SMURF2: variants seen among roughly 807,000 people sequenced by gnomAD.
The protein encoded by SMURF2 is SMAD specific E3 ubiquitin protein ligase 2, also known as E3 ubiquitin-protein ligase SMURF2.
Under a neutral mutation model 109.6 loss-of-function variants are expected in SMURF2, and 48 were observed. The observed-to-expected ratio is 0.44, with a 90% CI of 0.35 to 0.56. The LOEUF (loss-of-function observed/expected upper bound fraction) is 0.56, where lower values mean the gene tolerates loss of function less well. Among genes scored for constraint, SMURF2 ranks in the 20% least tolerant of loss-of-function variants. The pLI is 0.01. For synonymous variants in SMURF2, 288 were observed against 317.1 expected (o/e 0.91, Z 0.97); for missense variants, 575 against 909.0 (o/e 0.63, Z 4.72).
At chr17:64,605,066 A>T in intron 2 of SMURF2, among the ~76,000 whole-genome samples, 1 of 147,220 alleles carries the variant, frequency 6.8e-6, no homozygotes, top group Non-Finnish European at 1.5e-5. Context: ...TCAAAGGTTA[A>T]AAAAAAAAAA....
chr17:64,635,028 A>G (rs1304852771), intron 1 of SMURF2, among the ~76,000 whole-genome samples: 1 of 152,190 alleles, frequency 6.6e-6, no homozygotes, highest in Non-Finnish European at 1.5e-5. Context: ...ATTTGTTTCC[A>G]GATAAAAGTC....
intron 1 of SMURF2, among the ~76,000 whole-genome samples, chr17:64,647,525 A>T (rs1555693067): frequency 6.6e-6 from 1 of 152,014 alleles, no homozygotes; most frequent in Admixed American, 6.6e-5. Flanking sequence ...TAAAAATACA[A>T]CAATTAGCCA....
Position 64,593,478 on chromosome 17 carries a change from A to C in SMURF2, c.296T>G (p.Leu99Arg). Residue 99 changes from leucine (L) to arginine (R), a missense_variant, in exon 4 of 19, where the codon CTT (leucine) becomes CGT (arginine). Coordinates refer to ENST00000262435, the MANE Select transcript of SMURF2 (RefSeq NM_022739.4). ...GAGGCGGTTGATGGCATTGGAAAGAAGACGAACACAACCGAGAAATCCAGC... is the reference window on the plus strand; with the variant it reads ...GAGGCGGTTGATGGCATTGGAAAGACGACGAACACAACCGAGAAATCCAGC... ...QGAGFLGCVR[L>R]LSNAINRLKD... 1 of 1,610,698 alleles carries C rather than the reference A, an allele frequency of 6.2e-7. No homozygotes were observed. The highest frequency in any genetic ancestry group is 8.5e-7 in the Non-Finnish European group (1 of 1,178,864).
At chr17:64,661,754 T>G (rs1050355400) in intron 1 of SMURF2, 75 bp downstream of exon 1, 4 of 1,099,046 alleles carry the variant, frequency 3.6e-6, no homozygotes, top group African/African-American at 3.3e-5. Context: ...CCCTGGCCCT[T>G]CCCAAGGCCA....
chr17:64,550,026 T>G (rs535025873), intron 16 of SMURF2, among the ~76,000 whole-genome samples: 1 of 152,342 alleles, frequency 6.6e-6, no homozygotes, highest in South Asian at 2.1e-4. Context: ...GGAATGGCAG[T>G]TAGAAGGCCA....
intron 5 of SMURF2, among the ~76,000 whole-genome samples, chr17:64,586,750 CAAAAAAAAAAAAA>C (rs782490512): frequency 1.1e-4 from 3 of 27,462 alleles, no homozygotes; most frequent in African/African-American, 1.3e-4. Flanking sequence ...GACTCCGTCT[CAAAAAAAAAAAAA>C]AAAAAAAAAA....
At chr17:64,593,405 GTTT>G (rs1969775392) in intron 4 of SMURF2, 32 bp downstream of exon 4, 1 of 1,589,584 alleles carries the variant, frequency 6.3e-7, no homozygotes, top group Non-Finnish European at 8.6e-7. Flanking sequence ...ACACATATAT[GTTT>G]TTTAATTGGA....
chr17:64,584,169 T>C (rs1280382401), intron 6 of SMURF2, among the ~76,000 whole-genome samples: 1 of 150,990 alleles, frequency 6.6e-6, no homozygotes, highest in Non-Finnish European at 1.5e-5. Flanking sequence ...AATACAAAAA[T>C]TAGCCGGGCG....
chr17:64,661,416 T>C (rs1164987382), intron 1 of SMURF2, among the ~76,000 whole-genome samples: 2 of 151,454 alleles, frequency 1.3e-5, no homozygotes, highest in African/African-American at 4.9e-5. Context: ...CTTTAAGGAG[T>C]GTTTACTGCG....
At chr17:64,586,060 T>C in intron 6 of SMURF2, 26 bp downstream of exon 6, 1 of 1,496,198 alleles carries the variant, frequency 6.7e-7, no homozygotes, top group Non-Finnish European at 9.2e-7. Flanking sequence ...TATATTTCTC[T>C]AATGATTTCA....
chr17:64,653,396 G>C (rs1196305228), intron 1 of SMURF2, among the ~76,000 whole-genome samples: 1 of 151,920 alleles, frequency 6.6e-6, no homozygotes. Flanking sequence ...ATCAAGTGCT[G>C]ACTAGGATGA....
At chr17:64,613,673 AGTGTGTGTGTGTGTGTGTGTGT>A (rs61060865) in intron 1 of SMURF2, among the ~76,000 whole-genome samples, 153 of 20,788 alleles carry the variant, frequency 7.4e-3, no homozygotes, top group Non-Finnish European at 0.012. Flanking sequence ...TCCACGGACC[AGTGTGTGTGTGTGTGTGTGTGT>A]GTGTGTGTGT....
At chr17:64,554,526 C>T (rs570453960) in intron 15 of SMURF2, among the ~76,000 whole-genome samples, 56 of 152,168 alleles carry the variant, frequency 3.7e-4, no homozygotes, top group Admixed American at 3.1e-3. Flanking sequence ...AGAACAAGGC[C>T]CCAGACAGTG....
chr17:64,631,285 A>G (rs868922077), intron 1 of SMURF2, among the ~76,000 whole-genome samples: 18 of 29,014 alleles, frequency 6.2e-4, no homozygotes, highest in African/African-American at 1.3e-3. Flanking sequence ...GGGGGGGGAG[A>G]GAGAGAGAGA....
intron 1 of SMURF2, among the ~76,000 whole-genome samples, chr17:64,653,271 CAATA>C (rs1031511022): frequency 6.6e-5 from 10 of 151,732 alleles, no homozygotes; most frequent in African/African-American, 2.4e-4. Context: ...ATTATATGGA[CAATA>C]AATAAGTCCA....
In SMURF2 at chr17:64,566,561, G is replaced by GTTTTTTTTTTTTTTTTTTTTTTTTTTT. The variant is rs1164717270; in HGVS notation, c.1017-3622_1017-3596dup. Among the ~76,000 whole-genome samples, 59 of 43,804 alleles carry GTTTTTTTTTTTTTTTTTTTTTTTTTTT rather than the reference G, an allele frequency of 1.3e-3. 23 individuals carry two copies. Among genetic ancestry groups the GTTTTTTTTTTTTTTTTTTTTTTTTTTT allele is most frequent in the East Asian group, 3.6e-3 (4 of 1,118 alleles). 28.7% of individuals were successfully genotyped at this position (43,804 alleles called of 152,430 possible). A position where few individuals can be genotyped will look rare whatever the true frequency, so the allele number is the denominator to read the frequency against. On this transcript the variant is annotated intron_variant, in intron 10 of 18. Coordinates refer to ENST00000262435, the MANE Select transcript of SMURF2 (RefSeq NM_022739.4). ...GATGTAGAAATGCTTAAGCTTTCTG[G>GTTTTTTTTTTTTTTTTTTTTTTTTTTT]TTTTTTTTTTTTTTTTTTTTTTTTT...
intron 1 of SMURF2, among the ~76,000 whole-genome samples, chr17:64,638,358 G>A (rs1030512330): frequency 2.0e-5 from 3 of 151,992 alleles, no homozygotes; most frequent in Non-Finnish European, 4.4e-5. Flanking sequence ...GAGCCACTGC[G>A]CCTGACCAAT....
chr17:64,656,215 AG>A (rs1423649415), intron 1 of SMURF2, among the ~76,000 whole-genome samples: 2 of 151,626 alleles, frequency 1.3e-5, no homozygotes, highest in Non-Finnish European at 2.9e-5. Context: ...TTGACTCCTA[AG>A]ATAACACATT....
intron 8 of SMURF2, among the ~76,000 whole-genome samples, chr17:64,579,591 T>C (rs190739510): frequency 6.6e-6 from 1 of 152,330 alleles, no homozygotes. Context: ...TCTAAAGAGC[T>C]TGCCTTATAA....
Sources: gnomAD v4.1 joint callset for allele counts (sites outside exome capture counted in the v4.1 genomes callset) on GRCh38, gnomAD v4.1.1 for gene constraint, MANE v1.5 for transcripts, NCBI Gene and HGNC (gene_info 2026-07-23, HGNC 2026-07-21) for gene names.